HDAC9: variants seen among roughly 807,000 people sequenced by gnomAD.
The protein encoded by HDAC9 is MEF-2 interacting transcription repressor (MITR) protein.
HDAC9 carries 41 observed loss-of-function variants against 139.4 expected under a neutral mutation model. The ratio of observed to expected loss-of-function variants is 0.29; its 90% CI spans 0.23 to 0.38. The LOEUF is 0.38. Among genes scored for constraint, HDAC9 ranks in the 10% least tolerant of loss-of-function variants. The pLI, the probability that HDAC9 is intolerant of heterozygous loss-of-function variation, is 1.00. For synonymous variants in HDAC9, 517 were observed against 476.2 expected (o/e 1.09, Z -1.12); for missense variants, 1,147 against 1,297.0 (o/e 0.88, Z 1.78).
chr7:18,647,736 AC>A (rs1787899280), intron 9 of HDAC9, 48 bp from the exon 10 acceptor site: 1 of 1,462,284 alleles, frequency 6.8e-7, no homozygotes, highest in Admixed American at 2.1e-5. Flanking sequence ...AGACCCAGTG[AC>A]CCACATGGAT....
chr7:18,161,207 T>C (rs1787606903), intron 1 of HDAC9, among the ~76,000 whole-genome samples: 1 of 152,236 alleles, frequency 6.6e-6, no homozygotes, highest in African/African-American at 2.4e-5. Context: ...AATAACTAAA[T>C]AGCACATTTC....
intron 25 of HDAC9, among the ~76,000 whole-genome samples, chr7:18,987,517 T>C (rs1204677703): frequency 6.6e-6 from 1 of 152,194 alleles, no homozygotes; most frequent in Non-Finnish European, 1.5e-5. Flanking sequence ...AGGCTATTGG[T>C]CTAAAATTCT....
At chr7:18,855,206 G>A (rs1797587860) in intron 21 of HDAC9, among the ~76,000 whole-genome samples, 1 of 152,032 alleles carries the variant, frequency 6.6e-6, no homozygotes, top group African/African-American at 2.4e-5. Context: ...TTCCAGCTCA[G>A]GACTTGCTTT....
At chr7:18,156,490 A>G (rs758149136) in intron 1 of HDAC9, among the ~76,000 whole-genome samples, 2 of 152,316 alleles carry the variant, frequency 1.3e-5, no homozygotes, top group Admixed American at 6.5e-5. Context: ...AACAAACTGG[A>G]TAAGTGATTC....
At chr7:18,744,403 G>A (rs899701085) in intron 13 of HDAC9, among the ~76,000 whole-genome samples, 1 of 152,172 alleles carries the variant, frequency 6.6e-6, no homozygotes, top group Non-Finnish European at 1.5e-5. Context: ...AGAATGCCAT[G>A]TCATATATAT....
chr7:18,697,849 G>A (rs1245707078), intron 12 of HDAC9, among the ~76,000 whole-genome samples: 2 of 151,796 alleles, frequency 1.3e-5, no homozygotes, highest in Non-Finnish European at 2.9e-5. Flanking sequence ...TTTTAGGGTT[G>A]GATGTTATTT....
At chr7:18,833,267 A>G (rs1795991369) in intron 19 of HDAC9, among the ~76,000 whole-genome samples, 1 of 152,200 alleles carries the variant, frequency 6.6e-6, no homozygotes, top group Non-Finnish European at 1.5e-5. Context: ...TAAGTACCCA[A>G]CAGATTTTTC....
chr7:18,398,122 G>A (rs894849843), intron 1 of HDAC9, among the ~76,000 whole-genome samples: 2 of 152,154 alleles, frequency 1.3e-5, no homozygotes, highest in East Asian at 1.9e-4. Context: ...TTCTAAACCC[G>A]AATCCTAGAA....
At chr7:18,649,458 C>G (rs1242338538) in intron 11 of HDAC9, among the ~76,000 whole-genome samples, 1 of 152,050 alleles carries the variant, frequency 6.6e-6, no homozygotes. Flanking sequence ...ATATTAAGGT[C>G]CTGAGTATTA....
intron 1 of HDAC9, among the ~76,000 whole-genome samples, chr7:18,322,507 T>C (rs976821651): frequency 1.3e-5 from 2 of 152,236 alleles, no homozygotes; most frequent in African/African-American, 4.8e-5. Flanking sequence ...ACGTATCATT[T>C]TGATATACCG....
chr7:18,473,887 G>C (rs758446724), intron 1 of HDAC9, among the ~76,000 whole-genome samples: 1 of 152,136 alleles, frequency 6.6e-6, no homozygotes, highest in Non-Finnish European at 1.5e-5. Context: ...TATATTAGCT[G>C]TACAGTAAAT....
chr7:18,305,965 A>G (rs1020220125), intron 1 of HDAC9, among the ~76,000 whole-genome samples: 1 of 152,132 alleles, frequency 6.6e-6, no homozygotes, highest in African/African-American at 2.4e-5. Flanking sequence ...TTTAGTTTGA[A>G]TTTATTCCCG....
intron 2 of HDAC9, among the ~76,000 whole-genome samples, chr7:18,522,939 T>C (rs1055006939): frequency 2.0e-5 from 3 of 152,236 alleles, no homozygotes; most frequent in African/African-American, 7.2e-5. Context: ...GTAAATGATG[T>C]AGTGTCTTGC....
chr7:18,284,621 A>C (rs745645962), intron 2 of HDAC9, among the ~76,000 whole-genome samples: 1 of 152,150 alleles, frequency 6.6e-6, no homozygotes, highest in South Asian at 2.1e-4. Context: ...TGATTTACCA[A>C]ATGTGAGAAC....
At chr7:18,967,860 A>G (rs1434050043) in intron 24 of HDAC9, among the ~76,000 whole-genome samples, 2 of 146,698 alleles carry the variant, frequency 1.4e-5, no homozygotes, top group Non-Finnish European at 2.9e-5. Context: ...AGGACAGTTA[A>G]AAAACAAAAA....
chr7:18,478,362 C>G (rs955091843), intron 1 of HDAC9, among the ~76,000 whole-genome samples: 1 of 152,222 alleles, frequency 6.6e-6, no homozygotes, highest in Admixed American at 6.5e-5. Flanking sequence ...TGAGCCGCCA[C>G]GCCGGGCCAA....
chr7:18,211,218 C>T (rs572183225), intron 2 of HDAC9, among the ~76,000 whole-genome samples: 148 of 152,306 alleles, frequency 9.7e-4, no homozygotes, highest in African/African-American at 3.4e-3. Context: ...GCTGTGCTTC[C>T]ATACCTTTGG....
intron 11 of HDAC9, among the ~76,000 whole-genome samples, chr7:18,650,574 A>G (rs969209624): frequency 6.6e-5 from 10 of 152,178 alleles, no homozygotes; most frequent in African/African-American, 2.4e-4. Flanking sequence ...TGACAGGCGA[A>G]TGCTAACCTC....
chr7:18,756,461 T>G (rs1212006261), intron 14 of HDAC9, among the ~76,000 whole-genome samples: 1 of 152,264 alleles, frequency 6.6e-6, no homozygotes, highest in Non-Finnish European at 1.5e-5. Flanking sequence ...ATAGCTGGAC[T>G]CCTTTTGAAA....
Sources: allele counts gnomAD v4.1 joint callset (sites outside exome capture counted in the v4.1 genomes callset), GRCh38; gene constraint gnomAD v4.1.1; transcripts MANE v1.5; gene names NCBI Gene and HGNC (gene_info 2026-07-23, HGNC 2026-07-21).